SLFN5: variants seen among roughly 807,000 people sequenced by gnomAD.
SLFN5 encodes schlafen family member 5.
SLFN5 carries 34 observed loss-of-function variants against 48.5 expected under a neutral mutation model. That is an observed-to-expected ratio of 0.70 (90% CI 0.53 to 0.93). The LOEUF (loss-of-function observed/expected upper bound fraction) is 0.93. Ranked by LOEUF, SLFN5 falls within the 40% of genes least tolerant of loss-of-function variation. The pLI is 0.00. For missense variants in SLFN5, 1,006 were observed against 1,071.3 expected, an observed-to-expected ratio of 0.94 and a Z score of 0.85; for synonymous variants, 387 against 396.2, an observed-to-expected ratio of 0.98 and a Z score of 0.28.
At position 35,269,102 on chromosome 17, in the gene SLFN5, G is replaced by A. The variant is rs979081396; in HGVS notation, c.*3214G>A. On this transcript the variant is annotated 3_prime_UTR_variant, in exon 5 of 5. Transcript: ENST00000299977. ...TATCTTGACCAGAAGCATCTAAGAA[G>A]GCAGTGAAGCAACATGTGTACAGTT... The A allele has an allele frequency of 2.6e-5, 4 of 152,182 alleles. No individual in the cohort carries two copies. The highest frequency in any genetic ancestry group is 9.7e-5 in the African/African-American group (4 of 41,444). The allele number at this position is 152,182 out of a possible 1,614,324, so 9.4% of individuals were successfully genotyped here.
chr17:35,266,157 T>TGC lies in SLFN5; in HGVS notation c.*270_*271insCG, dbSNP rs1470870646. The TGC allele has an allele frequency of 3.0e-4, 82 of 270,352 alleles. No homozygotes were observed. The South Asian group carries it at 4.8e-3, about 16-fold the overall frequency. The allele number at this position is 270,352 out of a possible 1,614,324, so 16.7% of individuals were successfully genotyped here. A position where few individuals can be genotyped will look rare whatever the true frequency, so the allele number is the denominator to read the frequency against. ...AGACTCAGAGATGTGTGTGTGTGTG[T>TGC]GTGTGTGTGTGTGTGTGTGTGCGCG... is the stretch of plus-strand genomic sequence containing the variant. On this transcript the variant is annotated 3_prime_UTR_variant, in exon 5 of 5. Coordinates refer to ENST00000299977, the MANE Select transcript of SLFN5 (RefSeq NM_144975.4).
chr17:35,265,019 A>T lies in SLFN5; in HGVS notation c.1860-53A>T, dbSNP rs1597655741. Reference sequence around the variant, plus strand: ...ACCATGACCAGAGGGGTTTAAGAGTAGAATCTGCTTTCTTTGTTTCATTGG... The same window carrying T: ...ACCATGACCAGAGGGGTTTAAGAGTTGAATCTGCTTTCTTTGTTTCATTGG... On this transcript the variant is annotated intron_variant, in intron 4 of 4. Coordinates refer to ENST00000299977, the MANE Select transcript of SLFN5 (RefSeq NM_144975.4). The T allele has an allele frequency of 3.8e-6, 6 of 1,560,622 alleles. No homozygotes were observed. The East Asian group carries it at 1.4e-4, about 35-fold the overall frequency.
intron 1 of SLFN5, among the ~76,000 whole-genome samples, chr17:35,251,264 G>A (rs1173680604): frequency 2.0e-5 from 3 of 152,186 alleles, no homozygotes. Flanking sequence ...TGTTTAAAAG[G>A]CTTATTTCTA....
rs1195762173 is a variant in SLFN5 at position 35,268,344 on chromosome 17, A to G, written c.*2456A>G. On this transcript the variant is annotated 3_prime_UTR_variant, in exon 5 of 5. Coordinates refer to ENST00000299977, the MANE Select transcript of SLFN5 (RefSeq NM_144975.4). ...GATCATTAGGCGAAAGACAATGGGGAAAAATGTAGAAAAGAAATATGACAT... is the reference window on the plus strand; with the variant it reads ...GATCATTAGGCGAAAGACAATGGGGGAAAATGTAGAAAAGAAATATGACAT... 6.6e-6 allele frequency: 1 copy of G among 152,214 alleles called. No homozygotes were observed. The highest frequency in any genetic ancestry group is 2.4e-5 in the African/African-American group (1 of 41,440). 9.4% of individuals were successfully genotyped at this position (152,214 alleles called of 1,614,324 possible).
rs1410085156 is a variant in SLFN5, at chr17:35,262,184, T to A, written c.1138+1088T>A. 2.0e-5 allele frequency among the ~76,000 whole-genome samples: 3 copies of A among 151,838 alleles called. No homozygotes were observed. The South Asian group carries it at 6.2e-4, about 32-fold the overall frequency. ...TCACAAGGTCAAGAGATCGAGACCA[T>A]CCTGGCTAACACAGTGAAACCCTGT... is the stretch of plus-strand genomic sequence containing the variant. On this transcript the variant is annotated intron_variant, in intron 3 of 4. Transcript: ENST00000299977.
intron 2 of SLFN5, among the ~76,000 whole-genome samples, chr17:35,260,226 G>A (rs529564494): frequency 4.6e-5 from 7 of 152,100 alleles, no homozygotes; most frequent in East Asian, 1.9e-4. Context: ...TTGGGGAGCC[G>A]GTACGTGATA....
At chr17:35,263,019 A>G (rs1191888089) in intron 3 of SLFN5, among the ~76,000 whole-genome samples, 1 of 152,214 alleles carries the variant, frequency 6.6e-6, no homozygotes, top group Non-Finnish European at 1.5e-5. Flanking sequence ...GCCAGGTGTT[A>G]AGATGGCACT....
Position 35,264,813 on chromosome 17 carries a change from G to A in SLFN5, c.1769G>A (p.Arg590Lys), listed in dbSNP as rs1597655569. The change falls in exon 4 of 5, where the codon AGG becomes AAG. Residue 590 changes from arginine (R) to lysine (K), a missense_variant. Physicochemically the swap from Arg to Lys is conservative, Grantham distance 26. Coordinates refer to ENST00000299977, the MANE Select transcript of SLFN5 (RefSeq NM_144975.4). ...TCAGGGAAGACTATCTTGGCTCTTA[G>A]GATCATGGAGAAGATCAGGAATGTG... ...PGSGKTILAL[R>K]IMEKIRNVFH... is the part of the protein sequence containing the mutation. The A allele has an allele frequency of 1.3e-6, 2 of 1,597,276 alleles. No homozygotes were observed. Among genetic ancestry groups the A allele is most frequent in the Non-Finnish European group, 1.7e-6 (2 of 1,173,988 alleles).
At position 35,265,678 on chromosome 17, in the gene SLFN5, G is replaced by C; in HGVS notation, c.2466G>C (p.Glu822Asp). Residue 822 changes from glutamate (E) to aspartate (D), a missense_variant, in exon 5 of 5, where the codon GAG (glutamate) becomes GAC (aspartate). Coordinates refer to ENST00000299977, the MANE Select transcript of SLFN5 (RefSeq NM_144975.4). ...RKRKLSQLHE[E>D]SDLLLQIGDA... The stretch of plus-strand genomic sequence containing the variant: ...GAAAACTGTCTCAGCTCCATGAGGA[G>C]TCTGATCTGTTACTACAGATCGGTG... 2 of 1,614,188 alleles carry C rather than the reference G, an allele frequency of 1.2e-6. No individual in the cohort carries two copies. The highest frequency in any genetic ancestry group is 1.7e-5 in the Admixed American group (1 of 60,024).
rs1273330806 is a variant in SLFN5 at position 35,267,651 on chromosome 17, C to G, written c.*1763C>G. ...AGGACGATCACTTGACCTCAGAAGT[C>G]TGAGGTTACAGTGAGCTATGATCAT... On this transcript the variant is annotated 3_prime_UTR_variant, in exon 5 of 5. Transcript: ENST00000299977. 6.6e-6 allele frequency: 1 copy of G among 152,108 alleles called. No homozygotes were observed. Among genetic ancestry groups the G allele is most frequent in the Non-Finnish European group, 1.5e-5 (1 of 68,054 alleles). 9.4% of individuals were successfully genotyped at this position (152,108 alleles called of 1,614,324 possible).
rs1401117280 is a variant in SLFN5, at chr17:35,265,224, C to T, written c.2012C>T (p.Thr671Ile). ...GGGAAAGCAAAGTTCATCACTCAGA[C>T]AGCAAGGGATGGCCCAGGAGTTCTC... Reference protein sequence around the residue: ...WYGKAKFITQTARDGPGVLWI... With the variant: ...WYGKAKFITQIARDGPGVLWI... Residue 671 changes from threonine to isoleucine, a missense_variant, in exon 5 of 5, where the codon ACA becomes ATA. Thr to Ile is a moderately conservative substitution (Grantham distance 89, BLOSUM62 -1). Coordinates refer to ENST00000299977, the MANE Select transcript of SLFN5 (RefSeq NM_144975.4). 1.9e-6 allele frequency: 3 copies of T among 1,614,186 alleles called. No individual in the cohort carries two copies. Among genetic ancestry groups the T allele is most frequent in the Admixed American group, 1.7e-5 (1 of 60,026 alleles).
rs755442519 is a variant in SLFN5 at position 35,265,341 on chromosome 17, G to C, written c.2129G>C (p.Arg710Thr). 32 of 1,614,048 alleles carry C rather than the reference G, an allele frequency of 2.0e-5. 1 individual carries two copies. In the South Asian group the frequency reaches 3.5e-4, roughly 18 times the overall value. Residue 710 changes from arginine (R) to threonine (T), a missense_variant, in exon 5 of 5, where the codon AGA (arginine) becomes ACA (threonine). Coordinates refer to ENST00000299977, the MANE Select transcript of SLFN5 (RefSeq NM_144975.4). ...SDQYPREEIN[R>T]VVRNAGPIAN... ...CAGTATCCAAGAGAAGAGATCAACAGAGTGGTCCGCAATGCAGGTCCAATA... is the reference window on the plus strand; with the variant it reads ...CAGTATCCAAGAGAAGAGATCAACACAGTGGTCCGCAATGCAGGTCCAATA...
chr17:35,270,160 CTGATA>C lies in SLFN5; in HGVS notation c.*4274_*4278del, dbSNP rs1001392727. On this transcript the variant is annotated 3_prime_UTR_variant, in exon 5 of 5. Transcript: ENST00000299977. ...CTATCTAGCTGTTCTTATATTTTCT[CTGATA>C]TATTTTTAAAAGCTTTCTGGAATAT... The C allele has an allele frequency of 7.2e-4, 110 of 151,902 alleles. No homozygotes were observed. Among genetic ancestry groups the C allele is most frequent in the African/African-American group, 2.6e-3 (109 of 41,358 alleles). The allele number at this position is 151,902 out of a possible 1,614,324, so 9.4% of individuals were successfully genotyped here.
chr17:35,247,215 C>T (rs1159522870), intron 1 of SLFN5, among the ~76,000 whole-genome samples: 3 of 152,222 alleles, frequency 2.0e-5, no homozygotes, highest in Non-Finnish European at 2.9e-5. Context: ...TTCTAGTTAG[C>T]CTGCTTCCAA....
Position 35,250,110 on chromosome 17 carries a change from A to G in SLFN5, c.-41+6967A>G, listed in dbSNP as rs566875162. ...CCAAGTGGATGAAGATATTGATTTAAGACTTCAGAACCATCAACAAAATTG... is the reference window on the plus strand; with the variant it reads ...CCAAGTGGATGAAGATATTGATTTAGGACTTCAGAACCATCAACAAAATTG... On this transcript the variant is annotated intron_variant, in intron 1 of 4. Transcript: ENST00000299977. Among the ~76,000 whole-genome samples the G allele has an allele frequency of 1.2e-3, 176 of 152,344 alleles. 1 individual carries two copies. Among genetic ancestry groups the G allele is most frequent in the African/African-American group, 4.2e-3 (173 of 41,578 alleles).
rs889629551 is a variant in SLFN5 at position 35,245,005 on chromosome 17, A to T, written c.-41+1862A>T. ...TCCTGGCCTGATTATGAAAATTCAC[A>T]CGTGTTTATAGCAGCCCCACTTTAA... On this transcript the variant is annotated intron_variant, in intron 1 of 4. Coordinates refer to ENST00000299977, the MANE Select transcript of SLFN5 (RefSeq NM_144975.4). Among the ~76,000 whole-genome samples, 14 of 152,302 alleles carry T rather than the reference A, an allele frequency of 9.2e-5. 1 individual carries two copies. In the South Asian group the frequency reaches 2.9e-3, roughly 32 times the overall value.
chr17:35,245,980 A>G (rs965580814), intron 1 of SLFN5, among the ~76,000 whole-genome samples: 13 of 152,212 alleles, frequency 8.5e-5, no homozygotes, highest in Non-Finnish European at 1.0e-4. Context: ...GACGATGCCC[A>G]TTCCTTCACA....
chr17:35,258,516 T>G (rs1904407599), intron 1 of SLFN5, 135 bp from the exon 2 acceptor site: 2 of 646,146 alleles, frequency 3.1e-6, no homozygotes, highest in African/African-American at 1.8e-5. Flanking sequence ...AAGATGAGAT[T>G]TGGGTGGGGA....
At chr17:35,260,904 G>A in intron 2 of SLFN5, 67 bp from the exon 3 acceptor site, 2 of 1,588,230 alleles carry the variant, frequency 1.3e-6, no homozygotes, top group Non-Finnish European at 1.7e-6. Context: ...AGACTTTGTA[G>A]CACAGCTCAG....
Sources: allele counts gnomAD v4.1 joint callset (sites outside exome capture counted in the v4.1 genomes callset), GRCh38; gene constraint gnomAD v4.1.1; transcripts MANE v1.5; gene names NCBI Gene and HGNC (gene_info 2026-07-23, HGNC 2026-07-21).